DENND1A: variants seen among roughly 807,000 people sequenced by gnomAD.
DENND1A encodes DENN domain-containing protein 1A.
DENND1A carries 51 observed loss-of-function variants against 113.7 expected under a neutral mutation model. That is an observed-to-expected ratio of 0.45 (90% confidence interval 0.36 to 0.57). DENND1A has a LOEUF of 0.57. Among genes scored for constraint, DENND1A ranks in the 20% least tolerant of loss-of-function variants. The probability of loss-of-function intolerance (pLI) is 0.00; values close to 1 mark genes in which losing one functional copy is unlikely to be tolerated. For synonymous variants in DENND1A, 565 were observed against 570.8 expected, an observed-to-expected ratio of 0.99 and a Z score of 0.14; for missense variants, 1,258 against 1,395.9, an observed-to-expected ratio of 0.90 and a Z score of 1.57.
At chr9:123,792,727 G>T in intron 2 of DENND1A, 97 bp from the exon 3 acceptor site, 1 of 1,415,542 alleles carries the variant, frequency 7.1e-7, no homozygotes, top group Non-Finnish European at 9.8e-7. Flanking sequence ...TAGCAGCCCT[G>T]GCAGGGGATC....
intron 2 of DENND1A, among the ~76,000 whole-genome samples, chr9:123,812,536 G>A (rs1035349273): frequency 1.3e-5 from 2 of 151,982 alleles, no homozygotes; most frequent in African/African-American, 4.8e-5. Flanking sequence ...GCTAGAACGT[G>A]AGCACCTTCC....
At chr9:123,630,270 A>T in intron 10 of DENND1A, 106 bp downstream of exon 10, 1 of 334,212 alleles carries the variant, frequency 3.0e-6, no homozygotes, top group Non-Finnish European at 4.8e-6. Context: ...GGATGAAGTT[A>T]ATATTTTTAA....
intron 1 of DENND1A, among the ~76,000 whole-genome samples, chr9:123,881,770 C>A (rs1345806537): frequency 1.3e-5 from 2 of 152,192 alleles, no homozygotes; most frequent in Non-Finnish European, 2.9e-5. Context: ...CTCATTGTTT[C>A]TGCTGCTTCT....
At chr9:123,865,006 T>C (rs1002305623) in intron 2 of DENND1A, among the ~76,000 whole-genome samples, 1 of 152,184 alleles carries the variant, frequency 6.6e-6, no homozygotes, top group Non-Finnish European at 1.5e-5. Context: ...GGTCCCTACA[T>C]ACTAATCAGA....
chr9:123,915,796 C>T (rs1404378015), intron 1 of DENND1A, among the ~76,000 whole-genome samples: 1 of 152,098 alleles, frequency 6.6e-6, no homozygotes, highest in Non-Finnish European at 1.5e-5. Context: ...TGTTGCTTAT[C>T]ACAGGCTCTT....
At chr9:123,469,354 G>T (rs1045716679) in intron 13 of DENND1A, among the ~76,000 whole-genome samples, 2 of 152,252 alleles carry the variant, frequency 1.3e-5, no homozygotes, top group Non-Finnish European at 2.9e-5. Context: ...ATTTGCAGGG[G>T]CAGGCATGGC....
chr9:123,761,611 C>T (rs1267924444), intron 4 of DENND1A, among the ~76,000 whole-genome samples: 1 of 152,134 alleles, frequency 6.6e-6, no homozygotes, highest in Non-Finnish European at 1.5e-5. Context: ...CCACAGCTTA[C>T]CAGGAGGTAC....
chr9:123,382,101 G>A lies in DENND1A; in HGVS notation c.2544C>T (p.Asp848=), dbSNP rs780716236. The A allele has an allele frequency of 2.6e-6, 4 of 1,559,864 alleles. No homozygotes were observed. The South Asian group carries it at 3.7e-5, about 14-fold the overall frequency. Residue 848 remains aspartate (D), a synonymous_variant, in exon 24 of 24, where the codon GAC becomes GAT. Coordinates refer to ENST00000394215, the MANE Select transcript of DENND1A (RefSeq NM_001352964.2). ...TSSDALLALL[D]PLSTAWSGST... is the part of the protein sequence containing the mutation. The stretch of plus-strand genomic sequence containing the variant: ...TGCCTGACCAGGCTGTGCTGAGCGG[G>A]TCCAGGAGGGCGAGCAGGGCGTCAC...
At position 123,502,049 on chromosome 9, in the gene DENND1A, A is replaced by G. The variant is rs142753150; in HGVS notation, c.994-44152T>C. 7.4e-3 allele frequency among the ~76,000 whole-genome samples: 1,132 copies of G among 152,134 alleles called. 16 individuals are homozygous for G. The highest frequency in any genetic ancestry group is 0.025 in the African/African-American group (1,058 of 41,498). On this transcript the variant is annotated intron_variant, in intron 13 of 23. Transcript: ENST00000394215. ...ACCCTAATACAGGCTCCATATCTCT[A>G]TCTCTATCTCCTATTAGTTCTGTCC...
At chr9:123,633,967 C>T (rs1320723774) in intron 9 of DENND1A, among the ~76,000 whole-genome samples, 1 of 152,152 alleles carries the variant, frequency 6.6e-6, no homozygotes, top group East Asian at 1.9e-4. Flanking sequence ...AGGTCCCATA[C>T]AAATGAAGGT....
intron 5 of DENND1A, among the ~76,000 whole-genome samples, chr9:123,685,866 T>C (rs2064776486): frequency 6.6e-6 from 1 of 152,136 alleles, no homozygotes; most frequent in Non-Finnish European, 1.5e-5. Flanking sequence ...CTGCAAGACT[T>C]TCCCCATTCA....
intron 9 of DENND1A, among the ~76,000 whole-genome samples, chr9:123,639,033 G>T (rs1317093350): frequency 6.7e-5 from 4 of 59,346 alleles, no homozygotes; most frequent in Admixed American, 2.7e-4. Flanking sequence ...AAATTTGCAT[G>T]AGTAGTAAAA....
intron 23 of DENND1A, 22 bp from the exon 24 acceptor site, chr9:123,382,647 G>A (rs748644744): frequency 6.2e-6 from 10 of 1,612,552 alleles, no homozygotes; most frequent in South Asian, 1.1e-5. Flanking sequence ...GAAGGAGGGC[G>A]GCAGTGACCA....
chr9:123,896,224 T>G (rs925560150), intron 1 of DENND1A, among the ~76,000 whole-genome samples: 1 of 151,814 alleles, frequency 6.6e-6, no homozygotes, highest in Non-Finnish European at 1.5e-5. Context: ...AGGCAGGATG[T>G]TAGCTTGAGC....
At chr9:123,387,651 A>T in intron 22 of DENND1A, 79 bp downstream of exon 22, 2 of 1,227,308 alleles carry the variant, frequency 1.6e-6, no homozygotes, top group South Asian at 1.3e-5. Context: ...GGCAAGCAGC[A>T]CCAGCCCCCC....
intron 2 of DENND1A, among the ~76,000 whole-genome samples, chr9:123,821,430 C>T (rs1303064329): frequency 6.6e-6 from 1 of 152,118 alleles, no homozygotes; most frequent in Admixed American, 6.5e-5. Context: ...TCTAAGAATA[C>T]GACAGCATCT....
chr9:123,869,532 G>C (rs73669006), intron 2 of DENND1A, among the ~76,000 whole-genome samples: 12,654 of 152,128 alleles, frequency 0.083, 1,106 homozygotes, highest in African/African-American at 0.22. Flanking sequence ...AGCTATCCCT[G>C]ACTTTAAAAT....
chr9:123,610,795 T>C (rs2060383781), intron 10 of DENND1A, among the ~76,000 whole-genome samples: 1 of 152,166 alleles, frequency 6.6e-6, no homozygotes. Flanking sequence ...TGGTAAGTAA[T>C]GAGACAGGAG....
intron 13 of DENND1A, among the ~76,000 whole-genome samples, chr9:123,477,286 T>C (rs972261025): frequency 4.6e-5 from 7 of 152,174 alleles, no homozygotes; most frequent in African/African-American, 7.2e-5. Flanking sequence ...TCCCAGTGCG[T>C]TGGGAGGCCA....
Sources: allele counts gnomAD v4.1 joint callset (sites outside exome capture counted in the v4.1 genomes callset), GRCh38; gene constraint gnomAD v4.1.1; transcripts MANE v1.5; gene names NCBI Gene and HGNC (gene_info 2026-07-23, HGNC 2026-07-21).